DARS1: variants seen among roughly 807,000 people sequenced by gnomAD.
DARS1 encodes the protein aspartyl-tRNA synthetase 1.
Under a neutral mutation model 68.8 loss-of-function variants are expected in DARS1, and 51 were observed. That is an observed-to-expected ratio of 0.74 (90% CI 0.59 to 0.94). DARS1 has a LOEUF of 0.94. DARS1 is among the 40% of genes least tolerant of loss of function. DARS1 has a pLI of 0.00. For missense variants in DARS1, 607 were observed against 597.3 expected (o/e 1.02, Z -0.17); for synonymous variants, 203 against 190.4 (o/e 1.07, Z -0.55).
Position 135,920,491 on chromosome 2 carries a change from A to G in DARS1, c.921T>C (p.Ala307=), listed in dbSNP as rs1681091377. Residue 307 remains alanine (A), a synonymous_variant, in exon 10 of 16, where the codon GCT becomes GCC. Transcript: ENST00000264161. ...YHYHEVMEEI[A]DTMVQIFKGL... is the part of the protein sequence containing the mutation. The stretch of plus-strand genomic sequence containing the variant: ...CTTTGAATATTTGTACCATGGTGTC[A>G]GCAATTTCTTCCATAACTTCGTGGT... 1.9e-6 allele frequency: 3 copies of G among 1,613,606 alleles called. No individual in the cohort carries two copies. Among genetic ancestry groups the G allele is most frequent in the African/African-American group, 2.7e-5 (2 of 74,908 alleles).
At chr2:135,931,013 G>A (rs1340384585) in intron 7 of DARS1, among the ~76,000 whole-genome samples, 2 of 152,202 alleles carry the variant, frequency 1.3e-5, no homozygotes, top group Non-Finnish European at 2.9e-5. Context: ...GGGCTGGAAG[G>A]TGAAGTATTT....
intron 1 of DARS1, 71 bp downstream of exon 1, chr2:135,985,332 C>A: frequency 6.4e-7 from 1 of 1,562,816 alleles, no homozygotes; most frequent in South Asian, 1.2e-5. Flanking sequence ...CCCCACTCCC[C>A]CTCCTCCCTC....
At chr2:135,953,785 A>G (rs1681901232) in intron 4 of DARS1, among the ~76,000 whole-genome samples, 1 of 152,190 alleles carries the variant, frequency 6.6e-6, no homozygotes, top group Non-Finnish European at 1.5e-5. Flanking sequence ...AGACAAACTC[A>G]TTAGTGTTAC....
intron 4 of DARS1, among the ~76,000 whole-genome samples, chr2:135,947,062 G>GT (rs535640004): frequency 4.3e-4 from 66 of 152,088 alleles, no homozygotes; most frequent in African/African-American, 1.6e-3. Context: ...GATTACAGGC[G>GT]TGAGCCACCA....
At position 135,916,221 on chromosome 2, in the gene DARS1, C is replaced by T; in HGVS notation, c.1106+5G>A. 2 of 1,565,632 alleles carry T rather than the reference C, an allele frequency of 1.3e-6. No homozygotes were observed. Among genetic ancestry groups the T allele is most frequent in the Non-Finnish European group, 1.8e-6 (2 of 1,138,442 alleles). ...TAAAGTAAAAAAAAAGCCACAAAGA[C>T]AAACCTCAGATCGTCTTCATCTCCC... On this transcript the variant is annotated splice_donor_5th_base_variant and intron_variant, in intron 11 of 15. Transcript: ENST00000264161.
Position 135,916,228 on chromosome 2 carries a change from C to G in DARS1, c.1104G>C (p.Leu368=), listed in dbSNP as rs769215712. The change falls in exon 11 of 16, where the codon CTG becomes CTC. Residue 368 remains leucine, a splice_region_variant and synonymous_variant. Transcript: ENST00000264161. ...AGVEMGDEDD[L]STPNEKLLGH... is the part of the protein sequence containing the mutation. ...AAAAAAAAGCCACAAAGACAAACCT[C>G]AGATCGTCTTCATCTCCCATTTCGA... The G allele has an allele frequency of 7.6e-6, 12 of 1,574,220 alleles. No individual in the cohort carries two copies. The highest frequency in any genetic ancestry group is 3.4e-5 in the Admixed American group (2 of 59,688).
At chr2:135,915,698 AAAC>A (rs1012187638) in intron 11 of DARS1, among the ~76,000 whole-genome samples, 1 of 152,102 alleles carries the variant, frequency 6.6e-6, no homozygotes, top group Non-Finnish European at 1.5e-5. Flanking sequence ...GACACTATAT[AAAC>A]AATATTGACT....
Position 135,911,278 on chromosome 2 carries a change from T to C in DARS1, c.1343-68A>G, listed in dbSNP as rs912655412. ...TATCTTAAAAGGTCACAAAAGCAAT[T>C]ACTGTTCAATGGAGATTTTTAAAAA... On this transcript the variant is annotated intron_variant, in intron 14 of 15. Coordinates refer to ENST00000264161, the MANE Select transcript of DARS1 (RefSeq NM_001349.4). 12 of 890,236 alleles carry C rather than the reference T, an allele frequency of 1.3e-5. No homozygotes were observed. In the African/African-American group the frequency reaches 1.7e-4, roughly 12 times the overall value. 55.1% of individuals were successfully genotyped at this position (890,236 alleles called of 1,614,324 possible). A position where few individuals can be genotyped will look rare whatever the true frequency, so the allele number is the denominator to read the frequency against.
At chr2:135,922,461 G>A (rs964535198) in intron 9 of DARS1, among the ~76,000 whole-genome samples, 2 of 152,010 alleles carry the variant, frequency 1.3e-5, no homozygotes, top group African/African-American at 2.4e-5. Context: ...TTCAAGAAAC[G>A]CATTTTTAAA....
chr2:135,917,254 T>C (rs1681025333), intron 10 of DARS1, among the ~76,000 whole-genome samples: 1 of 152,110 alleles, frequency 6.6e-6, no homozygotes, highest in Non-Finnish European at 1.5e-5. Context: ...TAATAGTGAA[T>C]GAGGGAAATG....
At chr2:135,954,083 T>C (rs1182544231) in intron 4 of DARS1, among the ~76,000 whole-genome samples, 1 of 151,672 alleles carries the variant, frequency 6.6e-6, no homozygotes, top group Non-Finnish European at 1.5e-5. Flanking sequence ...ACTAAACTTT[T>C]TTCCCTTTAG....
At chr2:135,914,324 A>C (rs903608429) in intron 12 of DARS1, 145 bp downstream of exon 12, 1 of 611,558 alleles carries the variant, frequency 1.6e-6, no homozygotes, top group African/African-American at 1.8e-5. Flanking sequence ...CTAAGAAAAA[A>C]ATTTTTTTAA....
chr2:135,940,999 C>G (rs1483745996), intron 5 of DARS1, among the ~76,000 whole-genome samples: 12 of 151,918 alleles, frequency 7.9e-5, no homozygotes, highest in Non-Finnish European at 1.8e-4. Flanking sequence ...CACTGCTCAA[C>G]AAAATAAAAG....
intron 4 of DARS1, among the ~76,000 whole-genome samples, chr2:135,959,348 G>A (rs71417584): frequency 1.7e-5 from 2 of 119,894 alleles, no homozygotes; most frequent in African/African-American, 6.4e-5. Context: ...CGGAGACCAC[G>A]CCATTGCACT....
rs149586139 is a variant in DARS1, at chr2:135,935,964, C to T, written c.424-1974G>A. Among the ~76,000 whole-genome samples, 293 of 152,278 alleles carry T rather than the reference C, an allele frequency of 1.9e-3. 2 individuals are homozygous for T. Among genetic ancestry groups the T allele is most frequent in the African/African-American group, 6.7e-3 (278 of 41,572 alleles). On this transcript the variant is annotated intron_variant, in intron 5 of 15. Coordinates refer to ENST00000264161, the MANE Select transcript of DARS1 (RefSeq NM_001349.4). ...TGTCACCACTCCCTAAACCCAAATT[C>T]TAGGATTCCCTTTGACAAGTTAACA...
chr2:135,924,998 G>T (rs550056371), intron 7 of DARS1, among the ~76,000 whole-genome samples: 1 of 152,060 alleles, frequency 6.6e-6, no homozygotes, highest in East Asian at 1.9e-4. Context: ...AAATTAAAAA[G>T]AAAAAAATAC....
In DARS1 at chr2:135,976,706, T is replaced by C. The variant is rs3768997; in HGVS notation, c.217+2568A>G. 7.7e-3 allele frequency among the ~76,000 whole-genome samples: 1,156 copies of C among 150,648 alleles called. 98 individuals are homozygous for C. The East Asian group carries it at 0.19, about 25-fold the overall frequency. On this transcript the variant is annotated intron_variant, in intron 3 of 15. Coordinates refer to ENST00000264161, the MANE Select transcript of DARS1 (RefSeq NM_001349.4). ...TCCAAAAACTTTTTGAGTGCCGACA[T>C]GACTCTCAAAAAACATGCTCATTGG...
Position 135,985,448 on chromosome 2 carries a change from G to A in DARS1, c.21C>T (p.Ser7=). 2 of 1,613,806 alleles carry A rather than the reference G, an allele frequency of 1.2e-6. No homozygotes were observed. Among genetic ancestry groups the A allele is most frequent in the Non-Finnish European group, 1.7e-6 (2 of 1,179,922 alleles). Residue 7 remains serine (S), a synonymous_variant, in exon 1 of 16, where the codon AGC becomes AGT. Transcript: ENST00000264161. ...CCCGCGGCTTCTCCTGACTCTTGCG[G>A]CTGGCGCTGGCGCTGGGCATCGGGA... is the stretch of plus-strand genomic sequence containing the variant. MPSASA[S]RKSQEKPREI...
Position 135,985,459 on chromosome 2 carries a change from C to T in DARS1, c.10G>A (p.Ala4Thr), listed in dbSNP as rs1380749353. MPSASASRKSQEKP... is the reference protein window; with the variant it reads MPSTSASRKSQEKP... ...TCCTGACTCTTGCGGCTGGCGCTGG[C>T]GCTGGGCATCGGGACACGGAACTGG... The change falls in exon 1 of 16, where the codon GCC becomes ACC. Residue 4 changes from alanine (A) to threonine (T), a missense_variant. Coordinates refer to ENST00000264161, the MANE Select transcript of DARS1 (RefSeq NM_001349.4). 2.5e-6 allele frequency: 4 copies of T among 1,613,912 alleles called. No individual in the cohort carries two copies. Among genetic ancestry groups the T allele is most frequent in the South Asian group, 2.2e-5 (2 of 91,080 alleles).
Sources: allele counts gnomAD v4.1 joint callset (sites outside exome capture counted in the v4.1 genomes callset), GRCh38; gene constraint gnomAD v4.1.1; transcripts MANE v1.5; gene names NCBI Gene and HGNC (gene_info 2026-07-23, HGNC 2026-07-21).